Variants in MIGA1 observed in about 807,000 individuals in gnomAD.
MIGA1 encodes the protein mitoguardin 1, also known as family with sequence similarity 73, member A.
A neutral mutation model predicts 82.0 loss-of-function variants in MIGA1; 58 were observed. The observed-to-expected ratio is 0.71, with a 90% CI of 0.57 to 0.88. MIGA1 has a LOEUF of 0.88. Ranked by LOEUF, MIGA1 falls within the 40% of genes least tolerant of loss-of-function variation. The pLI is 0.00. For missense variants in MIGA1, 751 were observed against 749.1 expected, an observed-to-expected ratio of 1.00 and a Z score of -0.03; for synonymous variants, 249 against 253.6, an observed-to-expected ratio of 0.98 and a Z score of 0.17.
At position 77,860,103 on chromosome 1, in the gene MIGA1, G is replaced by C. The variant is rs1425156727; in HGVS notation, c.1252G>C (p.Ala418Pro). 1 of 1,610,562 alleles carries C rather than the reference G, an allele frequency of 6.2e-7. No individual in the cohort carries two copies. Among genetic ancestry groups the C allele is most frequent in the Non-Finnish European group, 8.5e-7 (1 of 1,178,244 alleles). The change falls in exon 11 of 16, where the codon GCT becomes CCT. Residue 418 changes from alanine (A) to proline (P), a missense_variant. By Grantham distance (27) the Ala-to-Pro change is conservative. Transcript: ENST00000370791. ...TGAGAGCGGAAGGAAAATTTTATCA[G>C]CTTTAATTGTGAAAGCACGAAAGGT...
Position 77,878,059 on chromosome 1 carries a change from TGAAAA to T in MIGA1, c.*2999_*3003del, listed in dbSNP as rs1646907397. The T allele has an allele frequency of 6.6e-6, 1 of 152,184 alleles. No individual in the cohort carries two copies. Among genetic ancestry groups the T allele is most frequent in the African/African-American group, 2.4e-5 (1 of 41,456 alleles). 9.4% of individuals were successfully genotyped at this position (152,184 alleles called of 1,614,324 possible). On this transcript the variant is annotated 3_prime_UTR_variant, in exon 16 of 16. Transcript: ENST00000370791. ...GAACTTTTTAAAGGAAATGTCCTCT[TGAAAA>T]GAACATTTCTGACTGCATGCAGAAG...
Position 77,783,277 on chromosome 1 carries a change from TCA to T in MIGA1, c.124_125del (p.Gln42ValfsTer12). On this transcript the variant is annotated frameshift_variant, in exon 2 of 16. Coordinates refer to ENST00000370791, the MANE Select transcript of MIGA1 (RefSeq NM_198549.4). LOFTEE classifies it high-confidence loss of function. ...CATGTCAGAAGAAACAGTAAGTGAA[TCA>T]CAGTTTTCCTTGAAGACAGCAGCGC... 1.9e-6 allele frequency: 3 copies of T among 1,594,818 alleles called. No homozygotes were observed. The highest frequency in any genetic ancestry group is 2.6e-6 in the Non-Finnish European group (3 of 1,166,942).
At chr1:77,798,623 A>C (rs1468304094) in intron 2 of MIGA1, among the ~76,000 whole-genome samples, 1 of 152,170 alleles carries the variant, frequency 6.6e-6, no homozygotes, top group African/African-American at 2.4e-5. Flanking sequence ...GGGCGCTACA[A>C]TTCAAGATGA....
chr1:77,845,718 G>A (rs1337862447), intron 8 of MIGA1, among the ~76,000 whole-genome samples: 1 of 152,120 alleles, frequency 6.6e-6, no homozygotes, highest in Non-Finnish European at 1.5e-5. Context: ...TTGTTTTAAT[G>A]AAGAAAATTA....
intron 8 of MIGA1, among the ~76,000 whole-genome samples, chr1:77,854,841 G>A (rs1685184604): frequency 1.3e-5 from 2 of 152,076 alleles, no homozygotes; most frequent in South Asian, 4.1e-4. Context: ...CCCACTCTGT[G>A]GGTTGTCTAC....
At position 77,822,811 on chromosome 1, in the gene MIGA1, G is replaced by T. The variant is rs375100825; in HGVS notation, c.895+7580G>T. ...TAACATTATGGATAAGATTATAGGC[G>T]GACTGTTTAAATCCTTTCAGCATGT... On this transcript the variant is annotated intron_variant, in intron 7 of 15. Transcript: ENST00000370791. Among the ~76,000 whole-genome samples, 26 of 150,906 alleles carry T rather than the reference G, an allele frequency of 1.7e-4. 1 individual carries two copies. In the East Asian group the frequency reaches 4.8e-3, roughly 28 times the overall value.
At chr1:77,844,163 G>C (rs1484483945) in intron 8 of MIGA1, among the ~76,000 whole-genome samples, 1 of 124,826 alleles carries the variant, frequency 8.0e-6, no homozygotes, top group Non-Finnish European at 1.7e-5. Flanking sequence ...TAGATAGATA[G>C]ATATAGATAT....
chr1:77,874,686 T>TTAA (rs1469939975), intron 15 of MIGA1, among the ~76,000 whole-genome samples, 160 bp from the exon 16 acceptor site: 1 of 152,124 alleles, frequency 6.6e-6, no homozygotes, highest in Non-Finnish European at 1.5e-5. Flanking sequence ...AAAGGAAAGG[T>TTAA]TAAATCACTT....
rs1439787937 is a variant in MIGA1, at chr1:77,873,002, A to G, written c.1564-2A>G. On this transcript the variant is annotated splice_acceptor_variant, in intron 14 of 15. Coordinates refer to ENST00000370791, the MANE Select transcript of MIGA1 (RefSeq NM_198549.4). LOFTEE classifies it high-confidence loss of function. ...ACTTGATTCTCCTTTACTTCCCAGC[A>G]GATCCCAGATGGATTTTTTGCCCAT... 4 of 1,613,950 alleles carry G rather than the reference A, an allele frequency of 2.5e-6. No homozygotes were observed. Among genetic ancestry groups the G allele is most frequent in the Non-Finnish European group, 3.4e-6 (4 of 1,180,030 alleles).
intron 5 of MIGA1, chr1:77,811,447 A>T (rs1683324127): frequency 1.6e-5 from 25 of 1,549,624 alleles, no homozygotes; most frequent in Non-Finnish European, 2.2e-5. Flanking sequence ...GACAGGCTGA[A>T]CATCAAATGG....
Position 77,811,751 on chromosome 1 carries a change from G to T in MIGA1, c.638-1983G>T, listed in dbSNP as rs183839947. On this transcript the variant is annotated intron_variant, in intron 5 of 15. Coordinates refer to ENST00000370791, the MANE Select transcript of MIGA1 (RefSeq NM_198549.4). ...CCTCTCCTAAAACTGGCGCCCCAGC[G>T]CTGCAGCAGACTCCGGGTCACCTCC... 7.5e-6 allele frequency: 12 copies of T among 1,607,224 alleles called. No homozygotes were observed. In the African/African-American group the frequency reaches 1.2e-4, roughly 16 times the overall value.
At chr1:77,809,617 T>C (rs8179272) in intron 5 of MIGA1, among the ~76,000 whole-genome samples, 89,078 of 151,908 alleles carry the variant, frequency 0.59, 28,186 homozygotes, top group Non-Finnish European at 0.71. Flanking sequence ...AAAATAATTA[T>C]TCCTGTGTTC....
intron 7 of MIGA1, among the ~76,000 whole-genome samples, chr1:77,836,219 C>T (rs1003330486): frequency 6.6e-6 from 1 of 152,112 alleles, no homozygotes; most frequent in African/African-American, 2.4e-5. Context: ...TAAAGTCCCT[C>T]CACTCAAGTT....
chr1:77,790,289 CT>C (rs1360445999), intron 2 of MIGA1, among the ~76,000 whole-genome samples: 1 of 152,176 alleles, frequency 6.6e-6, no homozygotes, highest in Non-Finnish European at 1.5e-5. Flanking sequence ...TCACACCTTT[CT>C]TTTTTTGTCT....
At chr1:77,873,746 T>G (rs1309408057) in intron 15 of MIGA1, among the ~76,000 whole-genome samples, 2 of 152,196 alleles carry the variant, frequency 1.3e-5, no homozygotes, top group Non-Finnish European at 2.9e-5. Flanking sequence ...GTAAACATAA[T>G]TGAGTATGAA....
intron 2 of MIGA1, among the ~76,000 whole-genome samples, chr1:77,787,616 T>C (rs1382544865): frequency 1.3e-5 from 2 of 152,020 alleles, no homozygotes; most frequent in African/African-American, 4.8e-5. Context: ...CTGGAACTCC[T>C]GACCTCAGGT....
chr1:77,788,039 T>G (rs984024523), intron 2 of MIGA1, among the ~76,000 whole-genome samples: 2 of 151,524 alleles, frequency 1.3e-5, no homozygotes, highest in Non-Finnish European at 2.9e-5. Context: ...CAGGTTAGAG[T>G]GCAATGGCGC....
intron 4 of MIGA1, among the ~76,000 whole-genome samples, chr1:77,805,266 A>C (rs1451515151): frequency 6.6e-6 from 1 of 151,984 alleles, no homozygotes; most frequent in Non-Finnish European, 1.5e-5. Context: ...AAGAGCTGGG[A>C]TTACAGGCGT....
intron 7 of MIGA1, among the ~76,000 whole-genome samples, chr1:77,830,614 C>T (rs1468246213): frequency 1.3e-5 from 2 of 152,118 alleles, no homozygotes; most frequent in Non-Finnish European, 2.9e-5. Context: ...CCTATCTCAC[C>T]GCTTTGGGTA....
Sources: allele counts gnomAD v4.1 joint callset (sites outside exome capture counted in the v4.1 genomes callset), GRCh38; gene constraint gnomAD v4.1.1; transcripts MANE v1.5; gene names NCBI Gene and HGNC (gene_info 2026-07-23, HGNC 2026-07-21).